The following STMN2 variants were observed in gnomAD, a reference collection of about 807,000 sequenced individuals.
STMN2 encodes stathmin 2, also known as stathmin-2.
Under a neutral mutation model 24.1 loss-of-function variants are expected in STMN2, and 2 were observed. The observed-to-expected ratio is 0.08, with a 90% CI of 0.03 to 0.26. The LOEUF (loss-of-function observed/expected upper bound fraction) is 0.26. STMN2 is among the 10% of genes least tolerant of loss of function. The probability of loss-of-function intolerance (pLI) is 1.00; values close to 1 mark genes in which losing one functional copy is unlikely to be tolerated. For missense variants in STMN2, 114 were observed against 213.6 expected, an observed-to-expected ratio of 0.53 and a Z score of 2.91; for synonymous variants, 83 against 77.5, an observed-to-expected ratio of 1.07 and a Z score of -0.37.
chr8:79,638,644 A>G (rs1301008354), intron 2 of STMN2, among the ~76,000 whole-genome samples: 1 of 152,196 alleles, frequency 6.6e-6, no homozygotes, highest in South Asian at 2.1e-4. Flanking sequence ...TGTGCTTTGC[A>G]TTCAGCATCC....
chr8:79,616,322 G>T (rs1005120323), intron 1 of STMN2, among the ~76,000 whole-genome samples: 3 of 152,130 alleles, frequency 2.0e-5, no homozygotes, highest in African/African-American at 4.8e-5. Flanking sequence ...TAATTTTAAC[G>T]AAGTAAGAAG....
At chr8:79,628,045 T>A (rs781618163) in intron 1 of STMN2, among the ~76,000 whole-genome samples, 1 of 152,250 alleles carries the variant, frequency 6.6e-6, no homozygotes, top group Non-Finnish European at 1.5e-5. Flanking sequence ...GTCTTGTGAA[T>A]AATGATGCAG....
At chr8:79,617,311 G>A (rs2130296988) in intron 1 of STMN2, among the ~76,000 whole-genome samples, 1 of 152,318 alleles carries the variant, frequency 6.6e-6, no homozygotes, top group East Asian at 1.9e-4. Context: ...GGCTGACCAT[G>A]CAGCCATTAC....
intron 1 of STMN2, chr8:79,613,814 T>C: frequency 1.0e-6 from 1 of 985,432 alleles, no homozygotes; most frequent in Non-Finnish European, 1.2e-6. Flanking sequence ...TATTTTTGCT[T>C]CCTGCCAGGA....
chr8:79,626,061 C>A (rs1049780211), intron 1 of STMN2, among the ~76,000 whole-genome samples: 1 of 152,190 alleles, frequency 6.6e-6, no homozygotes, highest in South Asian at 2.1e-4. Flanking sequence ...TTTCTCAATA[C>A]ATTACCTAAC....
chr8:79,653,613 A>G (rs972950180), intron 3 of STMN2, among the ~76,000 whole-genome samples: 3 of 152,234 alleles, frequency 2.0e-5, no homozygotes, highest in Non-Finnish European at 2.9e-5. Flanking sequence ...TATTGTTTAT[A>G]CAAAAAGACC....
At chr8:79,626,149 A>G (rs1809649343) in intron 1 of STMN2, among the ~76,000 whole-genome samples, 1 of 74,870 alleles carries the variant, frequency 1.3e-5, no homozygotes, top group Admixed American at 1.2e-4. Context: ...AAATTATCTA[A>G]GGTTAATAGT....
In STMN2 at chr8:79,611,155, C is replaced by T. The variant is rs1809209297; in HGVS notation, c.-41C>T. 6.2e-7 allele frequency: 1 copy of T among 1,613,762 alleles called. No individual in the cohort carries two copies. Among genetic ancestry groups the T allele is most frequent in the African/African-American group, 1.3e-5 (1 of 74,914 alleles). On this transcript the variant is annotated 5_prime_UTR_variant, in exon 1 of 5. Coordinates refer to ENST00000220876, the MANE Select transcript of STMN2 (RefSeq NM_007029.4). ...GCTCTCTCCGCTGCTGTAGCCGGACCCTTTGCCTTCGCCACTGCTCAGCGT... is the reference window on the plus strand; with the variant it reads ...GCTCTCTCCGCTGCTGTAGCCGGACTCTTTGCCTTCGCCACTGCTCAGCGT...
chr8:79,619,271 G>A (rs1809456106), intron 1 of STMN2, among the ~76,000 whole-genome samples: 2 of 152,084 alleles, frequency 1.3e-5, no homozygotes, highest in South Asian at 4.1e-4. Context: ...AAAGAGAATT[G>A]AGTGAAATTT....
chr8:79,663,536 C>A, intron 4 of STMN2: 1 of 1,313,908 alleles, frequency 7.6e-7, no homozygotes, highest in Non-Finnish European at 1.0e-6. Context: ...TAAGTGTAGA[C>A]TCCTTGAGAT....
chr8:79,662,333 T>C (rs1585915789), intron 4 of STMN2, among the ~76,000 whole-genome samples: 1 of 152,080 alleles, frequency 6.6e-6, no homozygotes, highest in African/African-American at 2.4e-5. Flanking sequence ...AGATCAATAA[T>C]GAAATAAATA....
chr8:79,621,092 T>C (rs1273086418), intron 1 of STMN2: 1 of 881,250 alleles, frequency 1.1e-6, no homozygotes, highest in African/African-American at 1.8e-5. Flanking sequence ...CCACCAGTGC[T>C]GCTGGTGCTG....
At chr8:79,612,201 C>G (rs1809252488) in intron 1 of STMN2, among the ~76,000 whole-genome samples, 1 of 152,160 alleles carries the variant, frequency 6.6e-6, no homozygotes, top group Non-Finnish European at 1.5e-5. Context: ...CTCCCCGCCG[C>G]GGCTTCCAAG....
chr8:79,617,380 A>T (rs907591993), intron 1 of STMN2, among the ~76,000 whole-genome samples: 6 of 152,218 alleles, frequency 3.9e-5, no homozygotes, highest in Admixed American at 6.5e-5. Flanking sequence ...ATCTCAAATT[A>T]AAAAATATAA....
At chr8:79,652,648 A>C (rs1401309676) in intron 3 of STMN2, among the ~76,000 whole-genome samples, 1 of 152,086 alleles carries the variant, frequency 6.6e-6, no homozygotes, top group Non-Finnish European at 1.5e-5. Flanking sequence ...TTTGCTTTTG[A>C]TAATAATGAT....
At chr8:79,614,942 T>G (rs1415689242) in intron 1 of STMN2, among the ~76,000 whole-genome samples, 2 of 152,214 alleles carry the variant, frequency 1.3e-5, no homozygotes, top group Non-Finnish European at 2.9e-5. Flanking sequence ...AAATAGCTCA[T>G]TCTCAGTGAT....
intron 3 of STMN2, among the ~76,000 whole-genome samples, chr8:79,646,597 G>A (rs979528463): frequency 7.9e-5 from 12 of 152,084 alleles, no homozygotes; most frequent in South Asian, 2.1e-4. Flanking sequence ...AATGTATGAG[G>A]TGTGTTTGAG....
intron 1 of STMN2, among the ~76,000 whole-genome samples, chr8:79,626,592 C>T (rs1284084546): frequency 6.6e-6 from 1 of 152,192 alleles, no homozygotes; most frequent in Non-Finnish European, 1.5e-5. Context: ...CATCTCGGCT[C>T]TTAACCCCTA....
At chr8:79,643,375 C>A (rs62520525) in intron 3 of STMN2, among the ~76,000 whole-genome samples, 3,104 of 151,834 alleles carry the variant, frequency 0.02, 63 homozygotes, top group Non-Finnish European at 0.029. Context: ...GTAAGCAATA[C>A]CTAAAACAGT....
Sources: allele counts gnomAD v4.1 joint callset (sites outside exome capture counted in the v4.1 genomes callset), GRCh38; gene constraint gnomAD v4.1.1; transcripts MANE v1.5; gene names NCBI Gene and HGNC (gene_info 2026-07-23, HGNC 2026-07-21).